The following SLC17A3 variants were observed in gnomAD, a reference collection of about 807,000 sequenced individuals.
SLC17A3 encodes the protein sodium-dependent phosphate transport protein 4.
In SLC17A3, 61 loss-of-function variants were observed where a neutral mutation model predicts 60.3. That is an observed-to-expected ratio of 1.01 (90% CI 0.82 to 1.25). The LOEUF is 1.25. SLC17A3 is among the 50% of genes most tolerant of loss of function. The probability of loss-of-function intolerance (pLI) is 0.00; values close to 1 mark genes in which losing one functional copy is unlikely to be tolerated. For missense variants in SLC17A3, 624 were observed against 594.9 expected (o/e 1.05, Z -0.51); for synonymous variants, 192 against 208.9 (o/e 0.92, Z 0.70).
chr6:25,868,515 GC>G, intron 1 of SLC17A3, 95 bp from the exon 2 acceptor site: 1 of 806,464 alleles, frequency 1.2e-6, no homozygotes, highest in Non-Finnish European at 2.1e-6. Flanking sequence ...AAAAAAGCTG[GC>G]CCATTCCATC....
intron 2 of SLC17A3, among the ~76,000 whole-genome samples, chr6:25,866,788 G>A (rs1765542714): frequency 6.6e-6 from 1 of 151,956 alleles, no homozygotes; most frequent in Admixed American, 6.6e-5. Flanking sequence ...TGTGTAAATG[G>A]TGTTGTGGCA....
chr6:25,856,088 G>A (rs916693072), intron 5 of SLC17A3, among the ~76,000 whole-genome samples: 8 of 152,186 alleles, frequency 5.3e-5, no homozygotes, highest in African/African-American at 1.7e-4. Flanking sequence ...CAAAGGCTAC[G>A]TGCATTTTAA....
intron 2 of SLC17A3, among the ~76,000 whole-genome samples, chr6:25,865,553 A>G (rs565031414): frequency 6.6e-6 from 1 of 152,132 alleles, no homozygotes; most frequent in Admixed American, 6.6e-5. Flanking sequence ...AAAGGGTATC[A>G]GCAAACCAAG....
At chr6:25,849,020 G>T (rs1340515878) in intron 11 of SLC17A3, among the ~76,000 whole-genome samples, 1 of 152,138 alleles carries the variant, frequency 6.6e-6, no homozygotes, top group Admixed American at 6.5e-5. Context: ...ACTTTAAAGG[G>T]TTCATTTGTT....
At chr6:25,850,393 T>G in intron 8 of SLC17A3, 66 bp downstream of exon 8, 1 of 1,497,440 alleles carries the variant, frequency 6.7e-7, no homozygotes, top group Non-Finnish European at 9.3e-7. Flanking sequence ...ATGGAATGAT[T>G]AGTGAGGGCA....
intron 11 of SLC17A3, 95 bp downstream of exon 11, chr6:25,849,279 T>C: frequency 1.3e-6 from 1 of 764,496 alleles, no homozygotes; most frequent in South Asian, 1.5e-5. Context: ...ACCCAAAATT[T>C]AACTTTATTT....
chr6:25,855,368 A>C, intron 5 of SLC17A3, 138 bp from the exon 6 acceptor site: 1 of 656,406 alleles, frequency 1.5e-6, no homozygotes. Context: ...CAAACTTCAA[A>C]TTTATGATTT....
At chr6:25,849,664 T>C (rs1032170071) in intron 10 of SLC17A3, 141 bp downstream of exon 10, 25 of 941,714 alleles carry the variant, frequency 2.7e-5, no homozygotes, top group Non-Finnish European at 3.5e-5. Flanking sequence ...TTCCTCAACA[T>C]ACCTGAAAAA....
intron 2 of SLC17A3, among the ~76,000 whole-genome samples, chr6:25,866,526 T>C (rs1765538794): frequency 6.6e-6 from 1 of 151,930 alleles, no homozygotes; most frequent in Non-Finnish European, 1.5e-5. Context: ...AACTGTAAGA[T>C]AATAAATGTA....
chr6:25,868,460 G>A, intron 1 of SLC17A3, 40 bp from the exon 2 acceptor site: 1 of 1,249,032 alleles, frequency 8.0e-7, no homozygotes, highest in Non-Finnish European at 1.2e-6. Context: ...TCAGTTGAGA[G>A]AAAGAGACTC....
chr6:25,863,423 G>A (rs929903336), intron 2 of SLC17A3, among the ~76,000 whole-genome samples: 7 of 152,076 alleles, frequency 4.6e-5, no homozygotes, highest in Non-Finnish European at 7.4e-5. Context: ...CCAAGAAGCT[G>A]TATTTATCTG....
intron 1 of SLC17A3, among the ~76,000 whole-genome samples, chr6:25,869,879 C>T (rs187819874): frequency 3.3e-5 from 5 of 152,108 alleles, no homozygotes; most frequent in Non-Finnish European, 5.9e-5. Context: ...TCACTTTTCT[C>T]CTGGTTTATT....
intron 6 of SLC17A3, among the ~76,000 whole-genome samples, chr6:25,853,001 T>C (rs776172700): frequency 6.6e-6 from 1 of 152,204 alleles, no homozygotes; most frequent in Admixed American, 6.5e-5. Flanking sequence ...GGTCTGGCCA[T>C]CACCATTTGT....
chr6:25,873,465 G>T (rs1765677302), intron 1 of SLC17A3, among the ~76,000 whole-genome samples: 1 of 152,050 alleles, frequency 6.6e-6, no homozygotes, highest in Non-Finnish European at 1.5e-5. Context: ...CATCTGTGAA[G>T]TTGCAGCTGC....
chr6:25,859,358 A>T (rs900235412), intron 5 of SLC17A3, among the ~76,000 whole-genome samples: 1 of 152,196 alleles, frequency 6.6e-6, no homozygotes, highest in African/African-American at 2.4e-5. Context: ...ATCTCTTCCC[A>T]ACTCTGCGTT....
At chr6:25,869,703 A>C (rs1765606241) in intron 1 of SLC17A3, among the ~76,000 whole-genome samples, 1 of 151,988 alleles carries the variant, frequency 6.6e-6, no homozygotes, top group Admixed American at 6.6e-5. Context: ...AGAACTCATA[A>C]GACTTCTTCA....
chr6:25,861,672 A>C lies in SLC17A3; in HGVS notation c.577T>G (p.Trp193Gly), dbSNP rs1765449230. ...CTGCTTCGTTCTTGTGGAGGGCCCC[A>C]CTTTTCCCAAATTGCAAACTGACCC... Reference protein sequence around the residue: ...LGGQFAIWEKWGPPQERSRLC... With the variant: ...LGGQFAIWEKGGPPQERSRLC... Residue 193 changes from tryptophan to glycine, a missense_variant, in exon 5 of 13, where the codon TGG becomes GGG. Transcript: ENST00000397060. 1.2e-6 allele frequency: 2 copies of C among 1,614,038 alleles called. No individual in the cohort carries two copies. Among genetic ancestry groups the C allele is most frequent in the Non-Finnish European group, 1.7e-6 (2 of 1,179,916 alleles).
intron 11 of SLC17A3, among the ~76,000 whole-genome samples, chr6:25,847,148 T>C (rs1252041866): frequency 6.6e-6 from 1 of 152,202 alleles, no homozygotes; most frequent in Non-Finnish European, 1.5e-5. Context: ...ATCCTTTGTC[T>C]TCTACTTATA....
At position 25,862,010 on chromosome 6, in the gene SLC17A3, G is replaced by T. The variant is rs772210480; in HGVS notation, c.323C>A (p.Ser108Tyr). 1.2e-6 allele frequency: 2 copies of T among 1,607,236 alleles called. No homozygotes were observed. Residue 108 changes from serine to tyrosine, a missense_variant, in exon 4 of 13, where the codon TCT becomes TAT. By Grantham distance (144) the Ser-to-Tyr change is moderately radical. Coordinates refer to ENST00000397060, the MANE Select transcript of SLC17A3 (RefSeq NM_001098486.2). ...LPAKAPVYDW[S>Y]PQIQGIIFGA... The stretch of plus-strand genomic sequence containing the variant: ...AAAGATGATGCCTTGGATTTGAGGA[G>T]ACCAGTCATACACAGGAGCCTTAGA...
Sources: allele counts gnomAD v4.1 joint callset (sites outside exome capture counted in the v4.1 genomes callset), GRCh38; gene constraint gnomAD v4.1.1; transcripts MANE v1.5; gene names NCBI Gene and HGNC (gene_info 2026-07-23, HGNC 2026-07-21).